CPNE4: variants seen among roughly 807,000 people sequenced by gnomAD.
CPNE4 encodes the protein copine 4.
A neutral mutation model predicts 67.9 loss-of-function variants in CPNE4; 25 were observed. The observed-to-expected ratio is 0.37, with a 90% confidence interval of 0.27 to 0.51. CPNE4 has a LOEUF of 0.51. Among genes scored for constraint, CPNE4 ranks in the 20% least tolerant of loss-of-function variants. The pLI is 0.93. For missense variants in CPNE4, 464 were observed against 690.8 expected, an observed-to-expected ratio of 0.67 and a Z score of 3.68; for synonymous variants, 242 against 244.9, an observed-to-expected ratio of 0.99 and a Z score of 0.11.
chr3:131,718,963 A>G (rs1316736371), intron 3 of CPNE4, among the ~76,000 whole-genome samples: 3 of 152,228 alleles, frequency 2.0e-5, no homozygotes, highest in African/African-American at 7.2e-5. Context: ...CACTGTGGCC[A>G]CACAAATGTA....
At chr3:131,952,372 G>T (rs1201563324) in intron 1 of CPNE4, among the ~76,000 whole-genome samples, 2 of 146,648 alleles carry the variant, frequency 1.4e-5, no homozygotes, top group African/African-American at 5.0e-5. Context: ...CCCGGCAGCC[G>T]CCCCGTCTGA....
intron 2 of CPNE4, among the ~76,000 whole-genome samples, chr3:131,836,178 A>G (rs145584159): frequency 6.6e-6 from 1 of 152,280 alleles, no homozygotes; most frequent in East Asian, 1.9e-4. Context: ...TGAAACTGAG[A>G]GTTGAACCAT....
intron 2 of CPNE4, among the ~76,000 whole-genome samples, chr3:131,878,018 T>TA (rs745746181): frequency 1.3e-5 from 2 of 152,186 alleles, no homozygotes; most frequent in African/African-American, 2.4e-5. Flanking sequence ...TCAGAACTCC[T>TA]ACATGCTACT....
At chr3:131,976,782 G>T (rs2072666432) in intron 1 of CPNE4, among the ~76,000 whole-genome samples, 1 of 151,846 alleles carries the variant, frequency 6.6e-6, no homozygotes, top group Non-Finnish European at 1.5e-5. Context: ...AAGTGATAAA[G>T]GAACAACATT....
intron 7 of CPNE4, among the ~76,000 whole-genome samples, chr3:131,607,411 G>A (rs1424858094): frequency 2.0e-5 from 3 of 152,106 alleles, no homozygotes; most frequent in Non-Finnish European, 4.4e-5. Context: ...TCTTTACCTG[G>A]AAGTGTAAAC....
chr3:132,021,015 G>A (rs1412867424), intron 1 of CPNE4, among the ~76,000 whole-genome samples: 1 of 152,134 alleles, frequency 6.6e-6, no homozygotes, highest in African/African-American at 2.4e-5. Flanking sequence ...GACAGCAGAT[G>A]GTCATGCTTT....
At chr3:131,944,596 C>T (rs1454561366) in intron 1 of CPNE4, among the ~76,000 whole-genome samples, 4 of 151,958 alleles carry the variant, frequency 2.6e-5, no homozygotes, top group Admixed American at 2.6e-4. Context: ...GCTGCTATTC[C>T]TCTCTCTCCC....
chr3:131,790,937 T>C (rs563984684), intron 2 of CPNE4, among the ~76,000 whole-genome samples: 13 of 152,330 alleles, frequency 8.5e-5, no homozygotes, highest in Non-Finnish European at 1.5e-4. Context: ...CAGTCTTTAG[T>C]AATCTTTACC....
rs1013001029 is a variant in CPNE4, at chr3:131,569,663, C to CA, written c.928-5315dup. 8.3e-3 allele frequency among the ~76,000 whole-genome samples: 754 copies of CA among 91,254 alleles called. 2 individuals are homozygous for CA. The highest frequency in any genetic ancestry group is 0.015 in the Admixed American group (139 of 9,484). 59.9% of individuals were successfully genotyped at this position (91,254 alleles called of 152,430 possible). On this transcript the variant is annotated intron_variant, in intron 10 of 15. Transcript: ENST00000429747. ...AAAAAACAAAAAAAACAAAAAAAAA[C>CA]AAAAAAAAAAAGAAGAAAGGAAGAA... is the stretch of plus-strand genomic sequence containing the variant.
chr3:131,710,767 G>T (rs7637944), intron 3 of CPNE4, among the ~76,000 whole-genome samples: 26,038 of 152,044 alleles, frequency 0.17, 2,370 homozygotes, highest in African/African-American at 0.22. Context: ...GGAAGTCAGT[G>T]GGAAGACCTG....
chr3:131,561,089 T>C (rs1194010259), intron 11 of CPNE4, among the ~76,000 whole-genome samples: 3 of 152,120 alleles, frequency 2.0e-5, no homozygotes, highest in African/African-American at 7.2e-5. Context: ...TGGTTTCTGA[T>C]ATCTGTCTCA....
chr3:131,929,015 G>A (rs1178954287), intron 1 of CPNE4, among the ~76,000 whole-genome samples: 1 of 152,084 alleles, frequency 6.6e-6, no homozygotes, highest in Non-Finnish European at 1.5e-5. Flanking sequence ...TTGCAAAGAA[G>A]CCACTCTGAT....
intron 1 of CPNE4, among the ~76,000 whole-genome samples, chr3:131,998,885 C>T (rs199921530): frequency 3.9e-5 from 6 of 152,012 alleles, no homozygotes; most frequent in African/African-American, 7.2e-5. Flanking sequence ...GATTATGGAA[C>T]GATAGTAGTA....
At chr3:132,014,900 A>T (rs183582422) in intron 1 of CPNE4, among the ~76,000 whole-genome samples, 9 of 152,296 alleles carry the variant, frequency 5.9e-5, no homozygotes, top group African/African-American at 1.9e-4. Flanking sequence ...AATGGATCCT[A>T]TTATTTTTGT....
chr3:131,841,183 G>C (rs1471106716), intron 2 of CPNE4, among the ~76,000 whole-genome samples: 1 of 152,136 alleles, frequency 6.6e-6, no homozygotes, highest in Non-Finnish European at 1.5e-5. Context: ...ATCAATGTTT[G>C]GTTTAAAGTC....
chr3:131,585,294 A>G (rs1938105768), intron 8 of CPNE4, among the ~76,000 whole-genome samples: 1 of 152,196 alleles, frequency 6.6e-6, no homozygotes, highest in African/African-American at 2.4e-5. Context: ...AAGGGCAGGG[A>G]CCATGTCAGC....
chr3:131,895,057 C>A (rs1393778671), intron 2 of CPNE4, among the ~76,000 whole-genome samples: 2 of 152,024 alleles, frequency 1.3e-5, no homozygotes, highest in Non-Finnish European at 2.9e-5. Context: ...TTGTTATTTG[C>A]ATCAACATGG....
intron 6 of CPNE4, among the ~76,000 whole-genome samples, chr3:131,677,724 T>G (rs1320708792): frequency 2.0e-5 from 3 of 152,018 alleles, no homozygotes; most frequent in Non-Finnish European, 4.4e-5. Context: ...TCAGGTTTGT[T>G]GAAGATCAGA....
At chr3:131,627,430 T>C (rs796254215) in intron 7 of CPNE4, among the ~76,000 whole-genome samples, 25 of 152,282 alleles carry the variant, frequency 1.6e-4, no homozygotes, top group African/African-American at 6.0e-4. Flanking sequence ...CTGATGAAGA[T>C]GTACAAGGAG....
Sources: gnomAD v4.1 joint callset for allele counts (sites outside exome capture counted in the v4.1 genomes callset) on GRCh38, gnomAD v4.1.1 for gene constraint, MANE v1.5 for transcripts, NCBI Gene and HGNC (gene_info 2026-07-23, HGNC 2026-07-21) for gene names.